Variants in TASP1 observed in about 807,000 individuals in gnomAD.
TASP1 encodes the protein threonine aspartase 1.
A neutral mutation model predicts 56.6 loss-of-function variants in TASP1; 16 were observed. That is an observed-to-expected ratio of 0.28 (90% CI 0.19 to 0.43). TASP1 has a LOEUF of 0.43. Among genes scored for constraint, TASP1 ranks in the 20% least tolerant of loss-of-function variants. The pLI, the probability that TASP1 is intolerant of heterozygous loss-of-function variation, is 1.00. For synonymous variants in TASP1, 179 were observed against 184.2 expected, an observed-to-expected ratio of 0.97 and a Z score of 0.23; for missense variants, 393 against 511.6, an observed-to-expected ratio of 0.77 and a Z score of 2.24.
the TASP1 span, among the ~76,000 whole-genome samples, chr20:13,351,678 T>C: frequency 6.6e-6 from 1 of 152,196 alleles, no homozygotes; most frequent in African/African-American, 2.4e-5. Flanking sequence ...TGGGGGGCTG[T>C]TGGAACTGTC....
intron 13 of TASP1, among the ~76,000 whole-genome samples, chr20:13,406,583 A>C (rs1188633663): frequency 6.6e-6 from 1 of 151,448 alleles, no homozygotes; most frequent in African/African-American, 2.4e-5. Flanking sequence ...AATTAGTATG[A>C]TTTTAGCTGT....
the TASP1 span, chr20:13,126,545 T>A: frequency 6.2e-7 from 1 of 1,606,642 alleles, no homozygotes; most frequent in Non-Finnish European, 8.5e-7. Context: ...ACCACCAGTG[T>A]TGAGATTTAT....
the TASP1 span, among the ~76,000 whole-genome samples, chr20:13,366,867 T>TACACACACAC: frequency 1.2e-4 from 18 of 150,616 alleles, no homozygotes; most frequent in East Asian, 2.0e-4. Flanking sequence ...CTGATTTGAC[T>TACACACACAC]ACACACACAC....
the TASP1 span, among the ~76,000 whole-genome samples, chr20:13,182,855 G>A: frequency 1.3e-5 from 2 of 152,154 alleles, no homozygotes; most frequent in Admixed American, 6.5e-5. Flanking sequence ...TTTACATGAC[G>A]ATAAAGTAGA....
chr20:13,422,057 T>C (rs2042457905), intron 12 of TASP1, among the ~76,000 whole-genome samples: 2 of 150,090 alleles, frequency 1.3e-5, no homozygotes, highest in Admixed American at 6.7e-5. Flanking sequence ...GTTCACGCCA[T>C]TCTCCTGCCT....
At chr20:13,257,544 C>T in the TASP1 span, among the ~76,000 whole-genome samples, 50 of 152,230 alleles carry the variant, frequency 3.3e-4, no homozygotes, top group Middle Eastern at 0.014. Context: ...TACTATGTGC[C>T]ATTTCATTCC....
the TASP1 span, among the ~76,000 whole-genome samples, chr20:13,174,812 G>C: frequency 7.9e-5 from 12 of 152,034 alleles, no homozygotes; most frequent in African/African-American, 2.9e-4. Flanking sequence ...TGGTTTGGCT[G>C]TGTCCCTACC....
the TASP1 span, among the ~76,000 whole-genome samples, chr20:13,182,941 A>T: frequency 6.6e-6 from 1 of 152,220 alleles, no homozygotes; most frequent in Admixed American, 6.5e-5. Context: ...ATAGCAAAAT[A>T]GCTAAAAATC....
chr20:13,382,164 G>GGGA, the TASP1 span, among the ~76,000 whole-genome samples: 1 of 152,310 alleles, frequency 6.6e-6, no homozygotes, highest in East Asian at 1.9e-4. Context: ...TTGGGGGGCA[G>GGGA]GGAGTGGGTC....
At chr20:13,107,070 T>C in the TASP1 span, among the ~76,000 whole-genome samples, 1 of 152,154 alleles carries the variant, frequency 6.6e-6, no homozygotes, top group Non-Finnish European at 1.5e-5. Flanking sequence ...GTCTAAAAAA[T>C]GGTAAGAAAA....
At chr20:13,178,115 A>G in the TASP1 span, among the ~76,000 whole-genome samples, 22 of 152,322 alleles carry the variant, frequency 1.4e-4, no homozygotes, top group Non-Finnish European at 3.1e-4. Flanking sequence ...ATTTCTCAAA[A>G]GACATACATA....
the TASP1 span, among the ~76,000 whole-genome samples, chr20:13,215,743 G>A: frequency 2.0e-5 from 3 of 152,310 alleles, no homozygotes; most frequent in Non-Finnish European, 2.9e-5. Flanking sequence ...TGTACAGCTA[G>A]GGGCTTTTAG....
the TASP1 span, chr20:13,270,399 C>A: frequency 7.7e-7 from 1 of 1,294,918 alleles, no homozygotes; most frequent in Non-Finnish European, 1.1e-6. Flanking sequence ...GGCTTAATTT[C>A]AGCCACTGGA....
the TASP1 span, chr20:13,160,185 G>C: frequency 6.5e-7 from 1 of 1,544,154 alleles, no homozygotes; most frequent in Non-Finnish European, 8.8e-7. Flanking sequence ...TGGATTCAAA[G>C]CAAGTCCTTT....
At chr20:13,477,691 T>TA (rs1007869840) in intron 11 of TASP1, among the ~76,000 whole-genome samples, 5 of 152,132 alleles carry the variant, frequency 3.3e-5, no homozygotes. Flanking sequence ...AAAGAACAAC[T>TA]AAAAAGGAAA....
At chr20:13,574,119 T>A (rs564962055) in intron 6 of TASP1, among the ~76,000 whole-genome samples, 58 of 141,932 alleles carry the variant, frequency 4.1e-4, no homozygotes, top group African/African-American at 1.3e-3. Flanking sequence ...AATGAAAGTT[T>A]AAAAAAAAAA....
the TASP1 span, among the ~76,000 whole-genome samples, chr20:13,268,963 G>A: frequency 7.9e-3 from 1,201 of 152,188 alleles, 9 homozygotes; most frequent in South Asian, 0.024. Flanking sequence ...CTTCCCTAAG[G>A]TTAGCTCTCC....
the TASP1 span, among the ~76,000 whole-genome samples, chr20:13,114,604 T>C: frequency 6.6e-6 from 1 of 152,236 alleles, no homozygotes; most frequent in Non-Finnish European, 1.5e-5. Flanking sequence ...CTCAAAATAA[T>C]GTAAATTTAA....
At chr20:13,420,477 T>C (rs1380516473) in intron 12 of TASP1, among the ~76,000 whole-genome samples, 1 of 152,250 alleles carries the variant, frequency 6.6e-6, no homozygotes, top group Non-Finnish European at 1.5e-5. Flanking sequence ...AGCATTGTAC[T>C]GACACATTTT....
Sources: gnomAD v4.1 joint callset for allele counts (sites outside exome capture counted in the v4.1 genomes callset) on GRCh38, gnomAD v4.1.1 for gene constraint, MANE v1.5 for transcripts, NCBI Gene and HGNC (gene_info 2026-07-23, HGNC 2026-07-21) for gene names.